The following ROBO2 variants were observed in gnomAD, a reference collection of about 807,000 sequenced individuals.
ROBO2 encodes the protein roundabout guidance receptor 2.
ROBO2 carries 53 observed loss-of-function variants against 160.8 expected under a neutral mutation model. The ratio of observed to expected loss-of-function variants is 0.33; its 90% CI spans 0.26 to 0.41. The LOEUF is 0.41. Among genes scored for constraint, ROBO2 ranks in the 10% least tolerant of loss-of-function variants. The pLI, the probability that ROBO2 is intolerant of heterozygous loss-of-function variation, is 1.00. For synonymous variants in ROBO2, 664 were observed against 611.7 expected, an observed-to-expected ratio of 1.09 and a Z score of -1.26; for missense variants, 1,577 against 1,722.4, an observed-to-expected ratio of 0.92 and a Z score of 1.49.
chr3:77,375,302 A>G (rs936242497), intron 2 of ROBO2, among the ~76,000 whole-genome samples: 10 of 152,232 alleles, frequency 6.6e-5, no homozygotes, highest in African/African-American at 2.4e-4. Flanking sequence ...TCGGTTCCCA[A>G]TGACAATAGA....
rs540480620 is a variant in ROBO2 at position 77,463,789 on chromosome 3, CA to C, written c.389-13621del. Among the ~76,000 whole-genome samples, 295 of 152,076 alleles carry C rather than the reference CA, an allele frequency of 1.9e-3. 1 individual carries two copies. Among genetic ancestry groups the C allele is most frequent in the African/African-American group, 6.1e-3 (254 of 41,488 alleles). On this transcript the variant is annotated intron_variant, in intron 2 of 25. Transcript: ENST00000461745. The stretch of plus-strand genomic sequence containing the variant: ...GGGGATGGGGTTTCACCATGTTGCC[CA>C]AAATGGTCTCGAACTCCTGAGCTCA...
At chr3:76,439,652 A>G (rs139725258) in intron 2 of ROBO2, among the ~76,000 whole-genome samples, 17 of 152,328 alleles carry the variant, frequency 1.1e-4, no homozygotes, top group East Asian at 3.9e-4. Flanking sequence ...GCAAGTGCCT[A>G]GTATGATGCA....
chr3:76,264,291 T>A (rs960274135), intron 2 of ROBO2, among the ~76,000 whole-genome samples: 15 of 150,738 alleles, frequency 1.0e-4, no homozygotes, highest in African/African-American at 3.4e-4. Flanking sequence ...AAAGTAATAT[T>A]ACCCAACAGT....
At chr3:76,260,431 A>G (rs1200095124) in intron 2 of ROBO2, among the ~76,000 whole-genome samples, 2 of 152,170 alleles carry the variant, frequency 1.3e-5, no homozygotes, top group African/African-American at 4.8e-5. Flanking sequence ...ACAGAGGTCA[A>G]ATTTGAGGAA....
intron 2 of ROBO2, among the ~76,000 whole-genome samples, chr3:76,780,571 A>G (rs2062578046): frequency 6.6e-6 from 1 of 150,658 alleles, no homozygotes; most frequent in African/African-American, 2.4e-5. Flanking sequence ...TTCAGATGTT[A>G]TATTTTGTCT....
At chr3:77,586,785 G>A (rs2094061719) in intron 16 of ROBO2, among the ~76,000 whole-genome samples, 1 of 150,084 alleles carries the variant, frequency 6.7e-6, no homozygotes, top group African/African-American at 2.4e-5. Context: ...GTCTCATATT[G>A]AAAATATGAG....
At chr3:76,750,245 A>C (rs2093961034) in intron 2 of ROBO2, among the ~76,000 whole-genome samples, 1 of 152,172 alleles carries the variant, frequency 6.6e-6, no homozygotes, top group African/African-American at 2.4e-5. Flanking sequence ...AAAATTCAAC[A>C]GTCCTTCATG....
chr3:76,365,209 C>T (rs112833645), intron 2 of ROBO2, among the ~76,000 whole-genome samples: 2 of 151,924 alleles, frequency 1.3e-5, no homozygotes, highest in Non-Finnish European at 2.9e-5. Context: ...GTGTCTTGTG[C>T]CCAATGGTAT....
chr3:76,363,800 T>G (rs1329196755), intron 2 of ROBO2, among the ~76,000 whole-genome samples: 3 of 152,060 alleles, frequency 2.0e-5, no homozygotes, highest in South Asian at 2.1e-4. Flanking sequence ...CTTAAGAGTT[T>G]TTTTTTTAAA....
intron 2 of ROBO2, among the ~76,000 whole-genome samples, chr3:76,076,060 C>T (rs753751436): frequency 6.6e-6 from 1 of 152,160 alleles, no homozygotes; most frequent in Non-Finnish European, 1.5e-5. Flanking sequence ...CATTAATGCT[C>T]ACATGTACAT....
intron 2 of ROBO2, among the ~76,000 whole-genome samples, chr3:76,340,516 G>T (rs2074160499): frequency 6.6e-6 from 1 of 152,102 alleles, no homozygotes; most frequent in Non-Finnish European, 1.5e-5. Context: ...AGCCCTGAAT[G>T]GATTTATACT....
chr3:76,740,105 A>G (rs2108019668), intron 2 of ROBO2, among the ~76,000 whole-genome samples: 1 of 152,314 alleles, frequency 6.6e-6, no homozygotes, highest in East Asian at 1.9e-4. Context: ...CGTTAAATCA[A>G]TATAGCCTCT....
chr3:76,045,158 G>C (rs1213135861), intron 2 of ROBO2, among the ~76,000 whole-genome samples: 1 of 151,964 alleles, frequency 6.6e-6, no homozygotes, highest in Admixed American at 6.6e-5. Context: ...ATCTGAGAAA[G>C]CTGACTATAT....
intron 2 of ROBO2, among the ~76,000 whole-genome samples, chr3:77,187,389 G>A (rs1222635698): frequency 6.6e-6 from 1 of 151,782 alleles, no homozygotes; most frequent in Non-Finnish European, 1.5e-5. Flanking sequence ...CATCCCAATT[G>A]TACCAAAACT....
At chr3:77,504,623 A>G (rs1280228959) in intron 5 of ROBO2, among the ~76,000 whole-genome samples, 1 of 152,208 alleles carries the variant, frequency 6.6e-6, no homozygotes, top group Non-Finnish European at 1.5e-5. Context: ...TAAGACATAT[A>G]TATAGTTGAT....
chr3:76,065,599 A>G (rs1255387705), intron 2 of ROBO2, among the ~76,000 whole-genome samples: 1 of 151,866 alleles, frequency 6.6e-6, no homozygotes, highest in Non-Finnish European at 1.5e-5. Flanking sequence ...CCTTTCCTCC[A>G]AAGGGGTATA....
intron 2 of ROBO2, among the ~76,000 whole-genome samples, chr3:76,275,579 G>A (rs1321640349): frequency 6.6e-6 from 1 of 152,010 alleles, no homozygotes; most frequent in Non-Finnish European, 1.5e-5. Flanking sequence ...GCAGCTCGAA[G>A]GTTCTATGAT....
At chr3:76,906,420 C>A (rs1577383824) in intron 2 of ROBO2, among the ~76,000 whole-genome samples, 1 of 151,662 alleles carries the variant, frequency 6.6e-6, no homozygotes, top group African/African-American at 2.4e-5. Context: ...CAAATAAGTT[C>A]TTGATTCATT....
chr3:76,664,873 G>T (rs1254328986), intron 2 of ROBO2, among the ~76,000 whole-genome samples: 2 of 152,186 alleles, frequency 1.3e-5, no homozygotes, highest in African/African-American at 4.8e-5. Flanking sequence ...AATTGAAGAA[G>T]CCAGAGCTGA....
Sources: gnomAD v4.1 joint callset for allele counts (sites outside exome capture counted in the v4.1 genomes callset) on GRCh38, gnomAD v4.1.1 for gene constraint, MANE v1.5 for transcripts, NCBI Gene and HGNC (gene_info 2026-07-23, HGNC 2026-07-21) for gene names.